The following AGMO variants were observed in gnomAD, a reference collection of about 807,000 sequenced individuals.
The protein encoded by AGMO is alkylglycerol monooxygenase.
AGMO carries 75 observed loss-of-function variants against 60.2 expected under a neutral mutation model. The observed-to-expected ratio is 1.25, with a 90% CI of 1.03 to 1.51. AGMO has a LOEUF of 1.51. Among genes scored for constraint, AGMO ranks in the 40% most tolerant of loss-of-function variants. AGMO has a pLI of 0.00. For synonymous variants in AGMO, 261 were observed against 177.1 expected (o/e 1.47, Z -3.76); for missense variants, 763 against 525.5 (o/e 1.45, Z -4.42).
chr7:15,551,901 A>G (rs1174710123), intron 2 of AGMO, among the ~76,000 whole-genome samples: 1 of 151,952 alleles, frequency 6.6e-6, no homozygotes, highest in East Asian at 1.9e-4. Context: ...GAGGCATCAC[A>G]CTACCTGACT....
chr7:15,554,746 T>C (rs183217433), intron 2 of AGMO, among the ~76,000 whole-genome samples: 1 of 152,238 alleles, frequency 6.6e-6, no homozygotes, highest in Admixed American at 6.6e-5. Context: ...AGTTTTAATG[T>C]TAAGATTGAA....
At chr7:15,125,639 T>C in the AGMO span, among the ~76,000 whole-genome samples, 3 of 152,030 alleles carry the variant, frequency 2.0e-5, no homozygotes, top group African/African-American at 7.2e-5. Context: ...TACGTATATA[T>C]GACCATCAGC....
intron 3 of AGMO, among the ~76,000 whole-genome samples, chr7:15,489,507 G>T (rs530541675): frequency 6.6e-6 from 1 of 152,194 alleles, no homozygotes; most frequent in Admixed American, 6.6e-5. Context: ...AACCTGCACG[G>T]CCAGGAACCT....
chr7:15,187,233 T>C, the AGMO span, among the ~76,000 whole-genome samples: 1 of 152,206 alleles, frequency 6.6e-6, no homozygotes, highest in African/African-American at 2.4e-5. Flanking sequence ...AATTAGAGTA[T>C]CTATGGTTTA....
At chr7:15,353,021 A>T (rs1782313869) in intron 12 of AGMO, among the ~76,000 whole-genome samples, 1 of 152,062 alleles carries the variant, frequency 6.6e-6, no homozygotes, top group South Asian at 2.1e-4. Flanking sequence ...CGCACGGCAC[A>T]CTCAGACGAA....
At chr7:15,409,513 T>C (rs1030471061) in intron 5 of AGMO, among the ~76,000 whole-genome samples, 1 of 151,930 alleles carries the variant, frequency 6.6e-6, no homozygotes, top group Non-Finnish European at 1.5e-5. Context: ...CAGAGTTTGA[T>C]GAATATAAAA....
intron 12 of AGMO, among the ~76,000 whole-genome samples, chr7:15,223,394 T>TA (rs1184543097): frequency 4.6e-5 from 7 of 151,956 alleles, no homozygotes; most frequent in African/African-American, 1.7e-4. Context: ...CCTTTATCCT[T>TA]ATAAAAATAC....
At chr7:15,262,429 A>G (rs1783300240) in intron 12 of AGMO, among the ~76,000 whole-genome samples, 1 of 152,106 alleles carries the variant, frequency 6.6e-6, no homozygotes, top group Non-Finnish European at 1.5e-5. Context: ...CAAGGACATG[A>G]AAAACTTCTA....
chr7:15,558,697 T>G (rs1785220405), intron 2 of AGMO, among the ~76,000 whole-genome samples: 1 of 152,142 alleles, frequency 6.6e-6, no homozygotes, highest in African/African-American at 2.4e-5. Flanking sequence ...TTAATATTAC[T>G]TCTACTATAT....
At chr7:15,336,840 G>A (rs2128547082) in intron 12 of AGMO, among the ~76,000 whole-genome samples, 1 of 152,144 alleles carries the variant, frequency 6.6e-6, no homozygotes, top group South Asian at 2.1e-4. Context: ...TATATTTCAG[G>A]CAAATCAAGA....
chr7:15,534,059 T>G (rs1215922890), intron 3 of AGMO, among the ~76,000 whole-genome samples: 1 of 151,982 alleles, frequency 6.6e-6, no homozygotes, highest in African/African-American at 2.4e-5. Context: ...GAAGCTATTT[T>G]AAGAAGTATG....
At chr7:15,489,222 T>C (rs1258032105) in intron 3 of AGMO, among the ~76,000 whole-genome samples, 2 of 152,158 alleles carry the variant, frequency 1.3e-5, no homozygotes, top group African/African-American at 2.4e-5. Context: ...ACAAAGTTAT[T>C]ATAAAACTTT....
intron 12 of AGMO, among the ~76,000 whole-genome samples, chr7:15,251,451 G>A (rs2128506539): frequency 6.6e-6 from 1 of 152,280 alleles, no homozygotes; most frequent in South Asian, 2.1e-4. Flanking sequence ...ATGAAGAAAG[G>A]GAGCAACTAC....
At chr7:15,557,207 A>G (rs1037363004) in intron 2 of AGMO, among the ~76,000 whole-genome samples, 8 of 152,224 alleles carry the variant, frequency 5.3e-5, no homozygotes, top group Admixed American at 3.3e-4. Flanking sequence ...GGCGAAGTGG[A>G]AAAACACGTT....
intron 3 of AGMO, among the ~76,000 whole-genome samples, chr7:15,486,764 C>A (rs192063989): frequency 6.6e-6 from 1 of 152,072 alleles, no homozygotes; most frequent in Non-Finnish European, 1.5e-5. Flanking sequence ...AGAAATATCA[C>A]GGTAATTTTG....
chr7:15,327,033 CAT>C (rs969663801), intron 12 of AGMO, among the ~76,000 whole-genome samples: 1 of 152,098 alleles, frequency 6.6e-6, no homozygotes, highest in African/African-American at 2.4e-5. Context: ...AAGTTCATAA[CAT>C]ATAATATTTG....
chr7:15,269,788 T>G (rs1257329679), intron 12 of AGMO, among the ~76,000 whole-genome samples: 1 of 151,972 alleles, frequency 6.6e-6, no homozygotes, highest in Non-Finnish European at 1.5e-5. Flanking sequence ...GAGTCCTCAG[T>G]ATCTATTATT....
chr7:15,224,739 T>TA (rs1438050598), intron 12 of AGMO, among the ~76,000 whole-genome samples: 1 of 152,028 alleles, frequency 6.6e-6, no homozygotes, highest in Non-Finnish European at 1.5e-5. Flanking sequence ...CTAACTCAAT[T>TA]AATTAAATAG....
At chr7:15,342,574 TTAGCCAGGTTCC>T (rs1781889586) in intron 12 of AGMO, among the ~76,000 whole-genome samples, 1 of 152,008 alleles carries the variant, frequency 6.6e-6, no homozygotes, top group African/African-American at 2.4e-5. Flanking sequence ...CTTCAAGGTT[TTAGCCAGGTTCC>T]TCAATAAAAA....
Sources: gnomAD v4.1 joint callset for allele counts (sites outside exome capture counted in the v4.1 genomes callset) on GRCh38, gnomAD v4.1.1 for gene constraint, MANE v1.5 for transcripts, NCBI Gene and HGNC (gene_info 2026-07-23, HGNC 2026-07-21) for gene names.